Variants in ASCC1 observed in about 807,000 individuals in gnomAD.
The protein encoded by ASCC1 is activating signal cointegrator 1 complex subunit 1, also known as ASC-1 complex subunit P50.
A neutral mutation model predicts 46.6 loss-of-function variants in ASCC1; 35 were observed. That is an observed-to-expected ratio of 0.75 (90% confidence interval 0.57 to 0.99). The LOEUF (loss-of-function observed/expected upper bound fraction) is 0.99. Among genes scored for constraint, ASCC1 ranks in the 50% least tolerant of loss-of-function variants. The probability of loss-of-function intolerance (pLI) is 0.00; values close to 1 mark genes in which losing one functional copy is unlikely to be tolerated. For missense variants in ASCC1, 376 were observed against 428.7 expected (o/e 0.88, Z 1.09); for synonymous variants, 143 against 146.6 (o/e 0.98, Z 0.18).
intron 8 of ASCC1, among the ~76,000 whole-genome samples, chr10:72,130,465 TCTTA>T (rs1845458775): frequency 6.6e-6 from 1 of 152,202 alleles, no homozygotes; most frequent in African/African-American, 2.4e-5. Flanking sequence ...CACAACACTC[TCTTA>T]TATAAAGCTC....
At chr10:72,202,467 C>CAAA (rs199869822) in intron 4 of ASCC1, among the ~76,000 whole-genome samples, 8 of 130,048 alleles carry the variant, frequency 6.2e-5, no homozygotes, top group African/African-American at 1.6e-4. Flanking sequence ...GACTCTGTCT[C>CAAA]AAAAAAAAAA....
At chr10:72,172,135 G>C (rs1377981527) in intron 5 of ASCC1, among the ~76,000 whole-genome samples, 1 of 151,970 alleles carries the variant, frequency 6.6e-6, no homozygotes, top group East Asian at 1.9e-4. Flanking sequence ...TAAGCACAAG[G>C]CTGGGTGCAG....
intron 5 of ASCC1, among the ~76,000 whole-genome samples, chr10:72,188,625 C>T (rs1012568185): frequency 3.3e-5 from 5 of 152,148 alleles, no homozygotes; most frequent in African/African-American, 1.2e-4. Context: ...CCACAACTTT[C>T]AAAGCTACCC....
chr10:72,183,383 T>C (rs962354769), intron 5 of ASCC1, among the ~76,000 whole-genome samples: 20 of 152,258 alleles, frequency 1.3e-4, no homozygotes, highest in Admixed American at 5.2e-4. Flanking sequence ...TGGCCAGGTA[T>C]AGTGGTTCAC....
In ASCC1 at chr10:72,168,145, C is replaced by T. The variant is rs1035809992; in HGVS notation, c.490-6471G>A. Among the ~76,000 whole-genome samples, 12 of 152,224 alleles carry T rather than the reference C, an allele frequency of 7.9e-5. No homozygotes were observed. The South Asian group carries it at 1.7e-3, about 21-fold the overall frequency. ...GGTGGAGGTTGCAGTGAGCCGAGAT[C>T]GTGCCATTGCACTCCAGTCTGGGTG... On this transcript the variant is annotated intron_variant, in intron 5 of 9. Coordinates refer to ENST00000672957, the MANE Select transcript of ASCC1 (RefSeq NM_001198800.3).
At chr10:72,207,440 G>C (rs1857382867) in intron 3 of ASCC1, among the ~76,000 whole-genome samples, 1 of 152,090 alleles carries the variant, frequency 6.6e-6, no homozygotes, top group African/African-American at 2.4e-5. Flanking sequence ...TAAAATATTT[G>C]CTACAATAAT....
intron 3 of ASCC1, among the ~76,000 whole-genome samples, chr10:72,206,717 T>C (rs1323841454): frequency 6.6e-6 from 1 of 152,178 alleles, no homozygotes; most frequent in African/African-American, 2.4e-5. Flanking sequence ...TTCATTCCTT[T>C]ATCTATGAGG....
At chr10:72,199,257 G>C (rs2133327389) in intron 4 of ASCC1, among the ~76,000 whole-genome samples, 1 of 149,816 alleles carries the variant, frequency 6.7e-6, no homozygotes, top group Non-Finnish European at 1.5e-5. Context: ...CCAAGTAGCT[G>C]GGAATACGGG....
chr10:72,209,025 C>A (rs1255835505), intron 3 of ASCC1, among the ~76,000 whole-genome samples: 3 of 151,896 alleles, frequency 2.0e-5, no homozygotes, highest in African/African-American at 7.3e-5. Flanking sequence ...ATTAGCCAGG[C>A]ATGGTGGCAC....
intron 7 of ASCC1, among the ~76,000 whole-genome samples, chr10:72,151,863 A>G (rs2132547688): frequency 6.6e-6 from 1 of 150,794 alleles, no homozygotes; most frequent in Non-Finnish European, 1.5e-5. Flanking sequence ...AATTTTTTGT[A>G]TTTTTTTAGT....
rs770758322 is a variant in ASCC1, at chr10:72,192,454, C to CA, written c.489+4356dup. On this transcript the variant is annotated intron_variant, in intron 5 of 9. Transcript: ENST00000672957. ...TGAGTGACAGGGCGAGACTCCGTCT[C>CA]AAAAAAAAAAAAAAAGAAAGAAAGA... Among the ~76,000 whole-genome samples, 371 of 109,226 alleles carry CA rather than the reference C, an allele frequency of 3.4e-3. 3 individuals are homozygous for CA. Among genetic ancestry groups the CA allele is most frequent in the Middle Eastern group, 5.4e-3 (1 of 184 alleles). The allele number at this position is 109,226 out of a possible 152,430, so 71.7% of individuals were successfully genotyped here. A position where few individuals can be genotyped will look rare whatever the true frequency, so the allele number is the denominator to read the frequency against.
At chr10:72,186,476 CCA>C (rs1294640673) in intron 5 of ASCC1, among the ~76,000 whole-genome samples, 2 of 152,120 alleles carry the variant, frequency 1.3e-5, no homozygotes, top group Non-Finnish European at 1.5e-5. Flanking sequence ...ACTGAAAATC[CCA>C]CAGTCTCTCA....
intron 7 of ASCC1, among the ~76,000 whole-genome samples, chr10:72,151,992 ATTTTTT>A (rs35458668): frequency 8.5e-6 from 1 of 118,208 alleles, no homozygotes; most frequent in Non-Finnish European, 1.8e-5. Flanking sequence ...ACCGGCCAAT[ATTTTTT>A]TTTTTTTTTT....
intron 5 of ASCC1, among the ~76,000 whole-genome samples, chr10:72,169,004 A>G (rs1178374846): frequency 2.0e-5 from 3 of 152,350 alleles, no homozygotes; most frequent in Middle Eastern, 3.4e-3. Context: ...AAGATACATC[A>G]ACAACGTAAA....
intron 5 of ASCC1, among the ~76,000 whole-genome samples, chr10:72,164,945 A>G (rs1850158886): frequency 6.6e-6 from 1 of 152,140 alleles, no homozygotes; most frequent in Non-Finnish European, 1.5e-5. Context: ...TGTCTACTAA[A>G]ATCTTTTGCC....
chr10:72,173,630 C>G (rs1159601257), intron 5 of ASCC1, among the ~76,000 whole-genome samples: 1 of 152,210 alleles, frequency 6.6e-6, no homozygotes. Flanking sequence ...TGCCCTACCT[C>G]ACAATGCCAT....
intron 1 of ASCC1, among the ~76,000 whole-genome samples, chr10:72,215,216 T>A (rs1858970122): frequency 1.3e-5 from 2 of 152,030 alleles, no homozygotes; most frequent in South Asian, 4.1e-4. Flanking sequence ...CAGGCCAACA[T>A]GATGAAACCC....
At chr10:72,207,837 G>C (rs1394420289) in intron 3 of ASCC1, among the ~76,000 whole-genome samples, 2 of 150,088 alleles carry the variant, frequency 1.3e-5, no homozygotes, top group Non-Finnish European at 3.0e-5. Flanking sequence ...TTTGACACAG[G>C]ATATTGCTCT....
At chr10:72,211,779 C>T (rs532464960) in intron 2 of ASCC1, among the ~76,000 whole-genome samples, 1 of 150,468 alleles carries the variant, frequency 6.6e-6, no homozygotes, top group South Asian at 2.1e-4. Flanking sequence ...GCCGAGATCG[C>T]GCCACTGCAC....
Sources: gnomAD v4.1 joint callset for allele counts (sites outside exome capture counted in the v4.1 genomes callset) on GRCh38, gnomAD v4.1.1 for gene constraint, MANE v1.5 for transcripts, NCBI Gene and HGNC (gene_info 2026-07-23, HGNC 2026-07-21) for gene names.